The following PRR11 variants were observed in gnomAD, a reference collection of about 807,000 sequenced individuals.
The protein encoded by PRR11 is proline-rich protein 11.
In PRR11, 30 loss-of-function variants were observed where a neutral mutation model predicts 45.6. The ratio of observed to expected loss-of-function variants is 0.66; its 90% CI spans 0.49 to 0.89. The LOEUF (loss-of-function observed/expected upper bound fraction) is 0.89, where lower values mean the gene tolerates loss of function less well. PRR11 is among the 40% of genes least tolerant of loss of function. The pLI is 0.00. For missense variants in PRR11, 373 were observed against 424.8 expected (o/e 0.88, Z 1.07); for synonymous variants, 128 against 153.5 (o/e 0.83, Z 1.23).
At chr17:59,192,310 T>C (rs2046843395) in intron 4 of PRR11, among the ~76,000 whole-genome samples, 2 of 152,178 alleles carry the variant, frequency 1.3e-5, no homozygotes, top group African/African-American at 4.8e-5. Context: ...GTGAAGCTCC[T>C]ACGACACCTT....
chr17:59,174,055 G>T (rs376824691), intron 2 of PRR11, among the ~76,000 whole-genome samples: 11 of 152,248 alleles, frequency 7.2e-5, no homozygotes, highest in East Asian at 5.8e-4. Flanking sequence ...TCATTCTATA[G>T]CCTGCTTCTG....
In PRR11 at chr17:59,181,131, A is replaced by G. The variant is rs1472166658; in HGVS notation, c.129-3923A>G. On this transcript the variant is annotated intron_variant, in intron 2 of 9. Transcript: ENST00000262293. Reference sequence around the variant, plus strand: ...CAGCCTCCCAAGTAGCTAGGACTACAGGCGCCCACCACCACGCCCAGCTAA... The same window carrying G: ...CAGCCTCCCAAGTAGCTAGGACTACGGGCGCCCACCACCACGCCCAGCTAA... Among the ~76,000 whole-genome samples the G allele has an allele frequency of 1.2e-4, 18 of 151,638 alleles. 2 individuals carry two copies. The highest frequency in any genetic ancestry group is 4.4e-4 in the African/African-American group (18 of 40,994).
At chr17:59,168,370 A>T (rs1041539860) in intron 1 of PRR11, among the ~76,000 whole-genome samples, 1 of 151,940 alleles carries the variant, frequency 6.6e-6, no homozygotes, top group Admixed American at 6.6e-5. Flanking sequence ...GGGTTTTGCC[A>T]TGTTGGCCAG....
chr17:59,166,825 C>T (rs2046682240), intron 1 of PRR11, among the ~76,000 whole-genome samples: 1 of 152,090 alleles, frequency 6.6e-6, no homozygotes, highest in South Asian at 2.1e-4. Flanking sequence ...GGCATTGCCA[C>T]TTTTTATTTT....
chr17:59,178,351 G>A lies in PRR11; in HGVS notation c.129-6703G>A. ...TGTCTCACAAAAAGAAAAGAAGACT[G>A]TGGGAGCATCTGGTGGGAAGTGCTG... On this transcript the variant is annotated intron_variant, in intron 2 of 9. Coordinates refer to ENST00000262293, the MANE Select transcript of PRR11 (RefSeq NM_018304.4). The A allele has an allele frequency of 7.1e-6, 3 of 421,062 alleles. 1 individual carries two copies. Among genetic ancestry groups the A allele is most frequent in the South Asian group, 5.5e-5 (3 of 54,426 alleles). 26.1% of individuals were successfully genotyped at this position (421,062 alleles called of 1,614,324 possible).
chr17:59,191,087 G>A (rs998110213), intron 4 of PRR11, among the ~76,000 whole-genome samples: 1 of 152,190 alleles, frequency 6.6e-6, no homozygotes, highest in African/African-American at 2.4e-5. Context: ...AGAGACTAGA[G>A]GGAGGGAGAA....
At chr17:59,201,174 C>T (rs1180811939) in intron 9 of PRR11, among the ~76,000 whole-genome samples, 3 of 152,018 alleles carry the variant, frequency 2.0e-5, no homozygotes, top group African/African-American at 2.4e-5. Flanking sequence ...GCTTAGCTCC[C>T]GGACTTATTT....
chr17:59,178,475 T>C, intron 2 of PRR11: 2 of 519,764 alleles, frequency 3.8e-6, no homozygotes, highest in South Asian at 2.8e-5. Flanking sequence ...AAACTTACCT[T>C]GTCTGACAAC....
intron 4 of PRR11, among the ~76,000 whole-genome samples, chr17:59,192,791 G>A (rs1381719166): frequency 6.6e-6 from 1 of 152,124 alleles, no homozygotes; most frequent in African/African-American, 2.4e-5. Flanking sequence ...CTGATGTTCT[G>A]GATGTTAAGA....
intron 7 of PRR11, among the ~76,000 whole-genome samples, chr17:59,196,378 G>A (rs1223978044): frequency 6.6e-6 from 1 of 151,690 alleles, no homozygotes; most frequent in African/African-American, 2.4e-5. Flanking sequence ...TTTATTTTTT[G>A]TATTTTTTTA....
chr17:59,178,353 G>T, intron 2 of PRR11: 1 of 422,006 alleles, frequency 2.4e-6, no homozygotes. Flanking sequence ...AGAAGACTGT[G>T]GGAGCATCTG....
intron 2 of PRR11, chr17:59,175,214 G>T: frequency 2.2e-6 from 1 of 447,194 alleles, no homozygotes; most frequent in Non-Finnish European, 4.2e-6. Context: ...GAGGGCAGGG[G>T]ACGATCCTCA....
chr17:59,206,633 G>T lies in PRR11; in HGVS notation c.*5002G>T, dbSNP rs565612359. Among the ~76,000 whole-genome samples the T allele has an allele frequency of 1.3e-5, 2 of 152,158 alleles. No homozygotes were observed. The highest frequency in any genetic ancestry group is 2.9e-5 in the Non-Finnish European group (2 of 68,038). ...ACTTTGAGACTGAATGGCAACCAGAGAATGTAAACAACCAAGGTGCATCTG... is the reference window on the plus strand; with the variant it reads ...ACTTTGAGACTGAATGGCAACCAGATAATGTAAACAACCAAGGTGCATCTG... On this transcript the variant is annotated 3_prime_UTR_variant, in exon 10 of 10. Transcript: ENST00000262293.
chr17:59,191,655 G>GGCCT (rs2046841311), intron 4 of PRR11, among the ~76,000 whole-genome samples: 2 of 152,014 alleles, frequency 1.3e-5, no homozygotes, highest in Non-Finnish European at 2.9e-5. Flanking sequence ...GTACCCAGTA[G>GGCCT]GCCTCTCAGC....
At chr17:59,164,369 C>A (rs1308762290) in intron 1 of PRR11, among the ~76,000 whole-genome samples, 4 of 151,984 alleles carry the variant, frequency 2.6e-5, no homozygotes, top group Non-Finnish European at 5.9e-5. Flanking sequence ...TTCCTCACAC[C>A]TGACTGAAAG....
At position 59,205,749 on chromosome 17, in the gene PRR11, A is replaced by G. The variant is rs1360087692; in HGVS notation, c.*4118A>G. Among the ~76,000 whole-genome samples the G allele has an allele frequency of 6.6e-6, 1 of 151,294 alleles. No homozygotes were observed. Among genetic ancestry groups the G allele is most frequent in the East Asian group, 1.9e-4 (1 of 5,178 alleles). ...GTATAGAAAAATATATAAATTAAAA[A>G]ATTATAGGCTTGGGGGCCAGGCACA... On this transcript the variant is annotated 3_prime_UTR_variant, in exon 10 of 10. Transcript: ENST00000262293.
intron 1 of PRR11, among the ~76,000 whole-genome samples, chr17:59,166,143 G>T (rs1286097377): frequency 1.3e-5 from 2 of 152,194 alleles, no homozygotes; most frequent in Admixed American, 6.5e-5. Flanking sequence ...GGTAGTGGGG[G>T]TTCATCAGCC....
chr17:59,177,761 A>G (rs2046756128), intron 2 of PRR11, among the ~76,000 whole-genome samples: 1 of 152,190 alleles, frequency 6.6e-6, no homozygotes, highest in Admixed American at 6.5e-5. Flanking sequence ...CAAGCCTGTG[A>G]TCCCAGAAGT....
chr17:59,197,567 A>G lies in PRR11; in HGVS notation c.881A>G (p.Asp294Gly), dbSNP rs2046872514. The G allele has an allele frequency of 1.2e-6, 2 of 1,613,928 alleles. No individual in the cohort carries two copies. Among genetic ancestry groups the G allele is most frequent in the African/African-American group, 2.7e-5 (2 of 74,926 alleles). ...AGCACTCCTGGAAAAAGTCAGATGG[A>G]TCTGCGGAAACTGCTTAGAAAAGTC... ...VLITPGKSQM[D>G]LRKLLRKVDV... The change falls in exon 8 of 10, where the codon GAT (aspartate) becomes GGT (glycine). Residue 294 changes from aspartate (D) to glycine (G), a missense_variant. Physicochemically the swap from Asp to Gly is moderately conservative, Grantham distance 94 (BLOSUM62 -1). Coordinates refer to ENST00000262293, the MANE Select transcript of PRR11 (RefSeq NM_018304.4).
Sources: allele counts gnomAD v4.1 joint callset (sites outside exome capture counted in the v4.1 genomes callset), GRCh38; gene constraint gnomAD v4.1.1; transcripts MANE v1.5; gene names NCBI Gene and HGNC (gene_info 2026-07-23, HGNC 2026-07-21).